Variants in MCM9 observed in about 807,000 individuals in gnomAD.
MCM9 encodes DNA helicase MCM9.
In MCM9, 55 loss-of-function variants were observed where a neutral mutation model predicts 72.8. That is an observed-to-expected ratio of 0.76 (90% confidence interval 0.61 to 0.95). The LOEUF (loss-of-function observed/expected upper bound fraction) is 0.95. Ranked by LOEUF, MCM9 falls within the 40% of genes least tolerant of loss-of-function variation. The pLI is 0.00. For synonymous variants in MCM9, 480 were observed against 503.4 expected (o/e 0.95, Z 0.62); for missense variants, 1,279 against 1,377.0 (o/e 0.93, Z 1.13).
In MCM9 at chr6:118,931,715, G is replaced by T; in HGVS notation, c.9C>A (p.Ser3Arg). MN[S>R]DQVTLVGQVF... Reference sequence around the variant, plus strand: ...CTTGACCAACCAGTGTAACTTGATCGCTATTCATCTTGAATCTAGGTAACT... The same window carrying T: ...CTTGACCAACCAGTGTAACTTGATCTCTATTCATCTTGAATCTAGGTAACT... The change falls in exon 3 of 14, where the codon AGC becomes AGA. Residue 3 changes from serine to arginine, a missense_variant. Transcript: ENST00000619706. 1 of 1,603,882 alleles carries T rather than the reference G, an allele frequency of 6.2e-7. No individual in the cohort carries two copies. Among genetic ancestry groups the T allele is most frequent in the Non-Finnish European group, 8.5e-7 (1 of 1,173,760 alleles).
chr6:118,826,987 T>C (rs143925665), intron 11 of MCM9, 123 bp from the exon 12 acceptor site: 17 of 754,060 alleles, frequency 2.3e-5, no homozygotes, highest in Non-Finnish European at 3.3e-5. Flanking sequence ...ATAATTTTAC[T>C]AGAACAAGCA....
At chr6:118,918,492 G>A (rs1413194257) in intron 5 of MCM9, 1 of 152,214 alleles carries the variant, frequency 6.6e-6, no homozygotes, top group Non-Finnish European at 1.5e-5. Flanking sequence ...GCCCTGGGTA[G>A]TTTATAGGCA....
At chr6:118,867,860 A>AT (rs1380394344) in intron 8 of MCM9, among the ~76,000 whole-genome samples, 12 of 146,368 alleles carry the variant, frequency 8.2e-5, no homozygotes, top group Non-Finnish European at 1.5e-4. Flanking sequence ...TAAATTAATT[A>AT]TATTTCTTTT....
In MCM9 at chr6:118,849,307, G is replaced by A. The variant is rs937339372; in HGVS notation, c.1325+7064C>T. On this transcript the variant is annotated intron_variant, in intron 9 of 13. Transcript: ENST00000619706. ...GCAGAAATTACAAGAGATGCAAAGA[G>A]AAACAAACAAAAACCCAGTAATAAG... Among the ~76,000 whole-genome samples, 13 of 151,700 alleles carry A rather than the reference G, an allele frequency of 8.6e-5. 1 individual carries two copies. The highest frequency in any genetic ancestry group is 3.2e-4 in the African/African-American group (13 of 41,090).
At chr6:118,928,839 A>G (rs1424001900) in intron 3 of MCM9, among the ~76,000 whole-genome samples, 1 of 151,638 alleles carries the variant, frequency 6.6e-6, no homozygotes, top group African/African-American at 2.4e-5. Flanking sequence ...TGGGCAACAG[A>G]GTGAGACCCT....
At position 118,815,557 on chromosome 6, in the gene MCM9, G is replaced by C; in HGVS notation, c.2699C>G (p.Ala900Gly). ...SPKRKRPKSL[A>G]QVEEPAIENV... is the part of the protein sequence containing the mutation. ...TTCAATTGCAGGCTCTTCCACTTGC[G>C]CAAGGGATTTCGGTCTCTTTCTTTT... is the stretch of plus-strand genomic sequence containing the variant. Residue 900 changes from alanine to glycine, a missense_variant, in exon 14 of 14, where the codon GCG (alanine) becomes GGG (glycine). Ala to Gly is a moderately conservative substitution (Grantham distance 60, BLOSUM62 0). Coordinates refer to ENST00000619706, the MANE Select transcript of MCM9 (RefSeq NM_017696.3). 1 of 1,550,180 alleles carries C rather than the reference G, an allele frequency of 6.5e-7. No individual in the cohort carries two copies. Among genetic ancestry groups the C allele is most frequent in the East Asian group, 2.4e-5 (1 of 40,884 alleles).
intron 8 of MCM9, among the ~76,000 whole-genome samples, chr6:118,861,317 A>C (rs1208813256): frequency 1.3e-5 from 2 of 152,232 alleles, no homozygotes; most frequent in Non-Finnish European, 2.9e-5. Context: ...TGGCTCAGGG[A>C]GCCCCAATGT....
At position 118,828,070 on chromosome 6, in the gene MCM9, A is replaced by G; in HGVS notation, c.1589T>C (p.Leu530Pro). 1 of 1,550,640 alleles carries G rather than the reference A, an allele frequency of 6.4e-7. No homozygotes were observed. The highest frequency in any genetic ancestry group is 8.7e-7 in the Non-Finnish European group (1 of 1,147,018). Residue 530 changes from leucine to proline, a missense_variant, in exon 11 of 14, where the codon CTC (leucine) becomes CCC (proline). Coordinates refer to ENST00000619706, the MANE Select transcript of MCM9 (RefSeq NM_017696.3). ...CAGTGTGGGCTGCAGATTCCTTATG[A>G]GGCAGAAATAGGTTTTCATCTTTTC... ...SMEKMKTYFCLIRNLQPTLSD... is the reference protein window; with the variant it reads ...SMEKMKTYFCPIRNLQPTLSD...
At chr6:118,881,822 A>G (rs940016019) in intron 8 of MCM9, among the ~76,000 whole-genome samples, 4 of 152,198 alleles carry the variant, frequency 2.6e-5, no homozygotes, top group Non-Finnish European at 4.4e-5. Flanking sequence ...CTAAAACTTC[A>G]TAAGAATAGT....
intron 9 of MCM9, among the ~76,000 whole-genome samples, chr6:118,842,108 C>A (rs144760120): frequency 1.4e-3 from 211 of 152,330 alleles, no homozygotes; most frequent in African/African-American, 4.9e-3. Context: ...GCTGGCATTA[C>A]AGGCGTGAGA....
At position 118,821,824 on chromosome 6, in the gene MCM9, A is replaced by G. The variant is rs78998700; in HGVS notation, c.1961+4323T>C. ...TTGGAGGTTTTATTCATTCCTTTTC[A>G]TTCTTTTTTCTTTTCCTAATCTCAT... On this transcript the variant is annotated intron_variant, in intron 13 of 13. Coordinates refer to ENST00000619706, the MANE Select transcript of MCM9 (RefSeq NM_017696.3). Among the ~76,000 whole-genome samples the G allele has an allele frequency of 2.3e-4, 35 of 151,958 alleles. No individual in the cohort carries two copies. The East Asian group carries it at 6.8e-3, about 29-fold the overall frequency.
chr6:118,931,583 C>A lies in MCM9; in HGVS notation c.141G>T (p.Leu47=). ...CCCCGATTTCCATGTTGGTCTCAAA[C>A]AGAGTCATGGCATTAACCACAACTG... is the stretch of plus-strand genomic sequence containing the variant. ...HYPVVVNAMT[L]FETNMEIGEY... The change falls in exon 3 of 14, where the codon CTG becomes CTT. Residue 47 remains leucine, a synonymous_variant. Transcript: ENST00000619706. The A allele has an allele frequency of 6.2e-7, 1 of 1,614,120 alleles. No individual in the cohort carries two copies. The highest frequency in any genetic ancestry group is 8.5e-7 in the Non-Finnish European group (1 of 1,180,020).
intron 8 of MCM9, among the ~76,000 whole-genome samples, chr6:118,866,987 G>A (rs888038730): frequency 5.3e-5 from 8 of 151,540 alleles, no homozygotes; most frequent in Admixed American, 5.3e-4. Flanking sequence ...GATTTCTCAA[G>A]AGCAACCTTG....
rs191763064 is a variant in MCM9, at chr6:118,927,304, A to G, written c.305-3177T>C. On this transcript the variant is annotated intron_variant, in intron 3 of 13. Coordinates refer to ENST00000619706, the MANE Select transcript of MCM9 (RefSeq NM_017696.3). ...TTACAGACTGCCTAGCATAATTTAG[A>G]AAAGTCTTTGGATTTTTGGCTGGAC... 7.2e-5 allele frequency among the ~76,000 whole-genome samples: 11 copies of G among 152,328 alleles called. No individual in the cohort carries two copies. In the East Asian group the frequency reaches 2.1e-3, roughly 29 times the overall value.
intron 8 of MCM9, among the ~76,000 whole-genome samples, chr6:118,893,865 CGCCAAAACACCCACACGAA>C (rs1779125978): frequency 1.3e-5 from 2 of 149,714 alleles, no homozygotes; most frequent in African/African-American, 4.9e-5. Flanking sequence ...AACAAAAAAA[CGCCAAAACACCCACACGAA>C]GCCAACTGGA....
At chr6:118,823,051 T>A (rs946555991) in intron 13 of MCM9, among the ~76,000 whole-genome samples, 2 of 152,092 alleles carry the variant, frequency 1.3e-5, no homozygotes, top group Non-Finnish European at 2.9e-5. Context: ...CTAGACTCCA[T>A]GGGAGTGGGA....
intron 5 of MCM9, 32 bp downstream of exon 5, chr6:118,921,973 C>T (rs1390144646): frequency 1.3e-6 from 2 of 1,558,794 alleles, no homozygotes; most frequent in South Asian, 2.3e-5. Context: ...GGACTACCTA[C>T]ACAAGCTAAA....
chr6:118,914,343 G>T (rs182844963), intron 6 of MCM9, among the ~76,000 whole-genome samples: 93 of 152,260 alleles, frequency 6.1e-4, no homozygotes, highest in African/African-American at 1.7e-3. Context: ...ATTTCATTCA[G>T]TCATTGGCCT....
At chr6:118,893,532 A>G (rs1779093424) in intron 8 of MCM9, among the ~76,000 whole-genome samples, 1 of 152,158 alleles carries the variant, frequency 6.6e-6, no homozygotes, top group Non-Finnish European at 1.5e-5. Flanking sequence ...AAATTTTCCA[A>G]GCACAGTGTG....
Sources: allele counts gnomAD v4.1 joint callset (sites outside exome capture counted in the v4.1 genomes callset), GRCh38; gene constraint gnomAD v4.1.1; transcripts MANE v1.5; gene names NCBI Gene and HGNC (gene_info 2026-07-23, HGNC 2026-07-21).